SMYD3: variants seen among roughly 807,000 people sequenced by gnomAD.
SMYD3 encodes SET and MYND domain containing 3.
In SMYD3, 36 loss-of-function variants were observed where a neutral mutation model predicts 57.7. The ratio of observed to expected loss-of-function variants is 0.62; its 90% confidence interval spans 0.48 to 0.82. SMYD3 has a LOEUF of 0.82. Among genes scored for constraint, SMYD3 ranks in the 40% least tolerant of loss-of-function variants. The probability of loss-of-function intolerance (pLI) is 0.00; values close to 1 mark genes in which losing one functional copy is unlikely to be tolerated. For missense variants in SMYD3, 515 were observed against 538.8 expected (o/e 0.96, Z 0.44); for synonymous variants, 211 against 195.0 (o/e 1.08, Z -0.68).
At chr1:245,779,709 A>C (rs574440858) in intron 10 of SMYD3, among the ~76,000 whole-genome samples, 1 of 152,374 alleles carries the variant, frequency 6.6e-6, no homozygotes. Flanking sequence ...AAAATCAAAC[A>C]AACTATCAAT....
chr1:246,491,561 G>A (rs74155519), intron 1 of SMYD3, among the ~76,000 whole-genome samples: 4,759 of 135,038 alleles, frequency 0.035, 223 homozygotes, highest in African/African-American at 0.14. Context: ...AAAAAAAAAA[G>A]AGAGAGAAAT....
rs576952754 is a variant in SMYD3, at chr1:245,930,061, A to C, written c.532-124T>G. On this transcript the variant is annotated intron_variant, in intron 5 of 11. Coordinates refer to ENST00000490107, the MANE Select transcript of SMYD3 (RefSeq NM_001167740.2). ...TTAGTAGTTGCTTAAGAAAGAGCCA[A>C]GCCAATCATGGATGCTCTTTGACTT... 1.0e-4 allele frequency: 75 copies of C among 747,812 alleles called. No individual in the cohort carries two copies. In the Admixed American group the frequency reaches 1.5e-3, roughly 15 times the overall value. The allele number at this position is 747,812 out of a possible 1,614,324, so 46.3% of individuals were successfully genotyped here.
At chr1:245,868,927 G>A (rs2052025649) in intron 8 of SMYD3, among the ~76,000 whole-genome samples, 1 of 152,176 alleles carries the variant, frequency 6.6e-6, no homozygotes, top group African/African-American at 2.4e-5. Flanking sequence ...ACTACTTAGG[G>A]AAGCATAATT....
chr1:246,068,778 G>A (rs1170041035), intron 5 of SMYD3, among the ~76,000 whole-genome samples: 4 of 152,166 alleles, frequency 2.6e-5, no homozygotes, highest in Admixed American at 2.6e-4. Context: ...TGAAGTCAGT[G>A]TGAATGGTTC....
At chr1:246,037,364 T>C (rs912426160) in intron 5 of SMYD3, among the ~76,000 whole-genome samples, 2 of 152,202 alleles carry the variant, frequency 1.3e-5, no homozygotes, top group African/African-American at 2.4e-5. Flanking sequence ...GCTCTTATTA[T>C]GAATGAGCTG....
intron 8 of SMYD3, among the ~76,000 whole-genome samples, chr1:245,881,658 T>G (rs1384749161): frequency 6.6e-6 from 1 of 152,168 alleles, no homozygotes; most frequent in Non-Finnish European, 1.5e-5. Flanking sequence ...TCCTAACAAG[T>G]AAGCAAATAC....
chr1:246,366,996 T>G (rs879544029), intron 1 of SMYD3, among the ~76,000 whole-genome samples: 5 of 151,806 alleles, frequency 3.3e-5, no homozygotes, highest in African/African-American at 4.8e-5. Flanking sequence ...CCGTATTTTT[T>G]GGGGAAAAAA....
intron 10 of SMYD3, among the ~76,000 whole-genome samples, chr1:245,777,967 A>AC (rs570633547): frequency 2.6e-5 from 4 of 152,008 alleles, no homozygotes; most frequent in South Asian, 4.2e-4. Context: ...CCCTGCCCCC[A>AC]CCCCCCAAAG....
At chr1:246,058,826 GATA>G (rs2060199862) in intron 5 of SMYD3, among the ~76,000 whole-genome samples, 1 of 151,580 alleles carries the variant, frequency 6.6e-6, no homozygotes, top group African/African-American at 2.4e-5. Context: ...GTAATCTATA[GATA>G]ATGTTTCTCA....
At chr1:246,040,463 T>A (rs1467847080) in intron 5 of SMYD3, among the ~76,000 whole-genome samples, 1 of 152,218 alleles carries the variant, frequency 6.6e-6, no homozygotes, top group East Asian at 1.9e-4. Context: ...AGAAGAAGTA[T>A]CTCAATGAAG....
rs186534104 is a variant in SMYD3, at chr1:246,272,596, T to C, written c.531+54605A>G. Among the ~76,000 whole-genome samples, 4 of 152,328 alleles carry C rather than the reference T, an allele frequency of 2.6e-5. No individual in the cohort carries two copies. In the East Asian group the frequency reaches 7.7e-4, roughly 29 times the overall value. On this transcript the variant is annotated intron_variant, in intron 5 of 11. Coordinates refer to ENST00000490107, the MANE Select transcript of SMYD3 (RefSeq NM_001167740.2). ...TATGATATATTACACTGATTGATTT[T>C]CACATTTTGAACCATTCTTGCAGTC... is the stretch of plus-strand genomic sequence containing the variant.
intron 5 of SMYD3, among the ~76,000 whole-genome samples, chr1:246,011,003 T>A (rs2059272562): frequency 6.6e-6 from 1 of 152,246 alleles, no homozygotes; most frequent in Non-Finnish European, 1.5e-5. Flanking sequence ...GACGTCATCT[T>A]GTCCCCATAT....
At chr1:245,869,535 C>G (rs1383079387) in intron 8 of SMYD3, among the ~76,000 whole-genome samples, 1 of 152,186 alleles carries the variant, frequency 6.6e-6, no homozygotes, top group Non-Finnish European at 1.5e-5. Flanking sequence ...AGAAGTCCTT[C>G]AAAAGCCTGT....
At chr1:245,859,397 T>A (rs921812900) in intron 9 of SMYD3, among the ~76,000 whole-genome samples, 1 of 152,228 alleles carries the variant, frequency 6.6e-6, no homozygotes, top group African/African-American at 2.4e-5. Context: ...GGGAGAAGAC[T>A]CAATGTCCAC....
chr1:245,935,689 G>A (rs1054739082), intron 5 of SMYD3, among the ~76,000 whole-genome samples: 2 of 152,206 alleles, frequency 1.3e-5, no homozygotes, highest in Admixed American at 6.5e-5. Context: ...CACAAATGGA[G>A]TAATATTCAG....
At chr1:245,830,032 T>C (rs2049743128) in intron 10 of SMYD3, among the ~76,000 whole-genome samples, 1 of 152,276 alleles carries the variant, frequency 6.6e-6, no homozygotes, top group South Asian at 2.1e-4. Context: ...CTAAAATTGA[T>C]TGTGGTGATG....
chr1:246,408,003 G>A (rs2066895452), intron 1 of SMYD3, among the ~76,000 whole-genome samples: 1 of 151,868 alleles, frequency 6.6e-6, no homozygotes, highest in Non-Finnish European at 1.5e-5. Context: ...ATTTACAGAT[G>A]GTGTTGCTGT....
chr1:246,109,573 C>T (rs2061194082), intron 5 of SMYD3, among the ~76,000 whole-genome samples: 1 of 152,174 alleles, frequency 6.6e-6, no homozygotes, highest in Non-Finnish European at 1.5e-5. Context: ...ATGAGAAAAC[C>T]TTAATTGCTT....
intron 5 of SMYD3, among the ~76,000 whole-genome samples, chr1:246,113,298 G>C (rs2061285643): frequency 6.6e-6 from 1 of 152,064 alleles, no homozygotes; most frequent in Non-Finnish European, 1.5e-5. Context: ...TACCTTTTAA[G>C]GATCAAGGCT....
Sources: gnomAD v4.1 joint callset for allele counts (sites outside exome capture counted in the v4.1 genomes callset) on GRCh38, gnomAD v4.1.1 for gene constraint, MANE v1.5 for transcripts, NCBI Gene and HGNC (gene_info 2026-07-23, HGNC 2026-07-21) for gene names.